The following STAT2 variants were observed in gnomAD, a reference collection of about 807,000 sequenced individuals.
The protein encoded by STAT2 is interferon alpha induced transcriptional activator.
Under a neutral mutation model 122.3 loss-of-function variants are expected in STAT2, and 51 were observed. The ratio of observed to expected loss-of-function variants is 0.42; its 90% CI spans 0.33 to 0.53. The LOEUF is 0.53. Among genes scored for constraint, STAT2 ranks in the 20% least tolerant of loss-of-function variants. The pLI is 0.10. For missense variants in STAT2, 736 were observed against 1,010.3 expected (o/e 0.73, Z 3.68); for synonymous variants, 351 against 394.9 (o/e 0.89, Z 1.32).
chr12:56,352,464 A>C (rs1320284388), intron 8 of STAT2: 4 of 149,656 alleles, frequency 2.7e-5, no homozygotes, highest in Non-Finnish European at 4.4e-5. Flanking sequence ...ACTATCTTTT[A>C]AAAAGCCTCG....
At chr12:56,349,548 G>A (rs761075687) in intron 14 of STAT2, 39 bp from the exon 15 acceptor site, 8 of 1,614,138 alleles carry the variant, frequency 5.0e-6, no homozygotes, top group Admixed American at 3.3e-5. Flanking sequence ...AAGGCTCTTT[G>A]GCAAGCTCCC....
intron 8 of STAT2, chr12:56,352,394 G>GT (rs1878667152): frequency 8.4e-6 from 1 of 119,468 alleles, no homozygotes; most frequent in Non-Finnish European, 1.7e-5. Context: ...GGTGGGGGTG[G>GT]TTTCTGGCAA....
Position 56,354,302 on chromosome 12 carries a change from G to A in STAT2, c.782+164C>T, listed in dbSNP as rs576432518. On this transcript the variant is annotated intron_variant, in intron 8 of 23. Transcript: ENST00000314128. Reference sequence around the variant, plus strand: ...GGAGACTGGGCTCTGGGCTCCCTGCGTGGTGAGGATGAGGAGCAGAATAGA... The same window carrying A: ...GGAGACTGGGCTCTGGGCTCCCTGCATGGTGAGGATGAGGAGCAGAATAGA... The A allele has an allele frequency of 2.1e-3, 2,079 of 1,014,010 alleles. 4 individuals are homozygous for A. Among genetic ancestry groups the A allele is most frequent in the Non-Finnish European group, 2.7e-3 (1,933 of 713,754 alleles). The allele number at this position is 1,014,010 out of a possible 1,614,324, so 62.8% of individuals were successfully genotyped here. A position where few individuals can be genotyped will look rare whatever the true frequency, so the allele number is the denominator to read the frequency against.
chr12:56,348,774 A>G lies in STAT2; in HGVS notation c.1607T>C (p.Leu536Ser), dbSNP rs1877952999. The G allele has an allele frequency of 6.2e-7, 1 of 1,614,078 alleles. No individual in the cohort carries two copies. Among genetic ancestry groups the G allele is most frequent in the South Asian group, 1.1e-5 (1 of 91,086 alleles). Residue 536 changes from leucine (L) to serine (S), a missense_variant, in exon 18 of 24, where the codon TTG becomes TCG. Transcript: ENST00000314128. ...TACCTTAGTGAAGTCAGCCCAGGAC[A>G]ATAATGGATCCTCAGTCCTACAGTT... ...GQNCRTEDPL[L>S]SWADFTKRES...
rs1238799933 is a variant in STAT2, at chr12:56,346,904, C to T, written c.1776G>A (p.Lys592=). 6.2e-7 allele frequency: 1 copy of T among 1,614,192 alleles called. No individual in the cohort carries two copies. The highest frequency in any genetic ancestry group is 8.5e-7 in the Non-Finnish European group (1 of 1,180,028). ...GCAGTAGAAAGGTGCCAGACATGGT[C>T]TTCTTCAGCAGCCGGCGCTCCTGGC... ...SRSQERRLLK[K]TMSGTFLLRF... The change falls in exon 20 of 24, where the codon AAG becomes AAA. Residue 592 remains lysine (K), a synonymous_variant. Transcript: ENST00000314128.
intron 8 of STAT2, 146 bp from the exon 9 acceptor site, chr12:56,351,596 T>C: frequency 1.2e-6 from 1 of 846,690 alleles, no homozygotes; most frequent in Middle Eastern, 3.7e-4. Context: ...TATAAAGGAT[T>C]ATTCAACATG....
At chr12:56,350,726 G>T in intron 11 of STAT2, 103 bp downstream of exon 11, 2 of 1,217,002 alleles carry the variant, frequency 1.6e-6, no homozygotes, top group Non-Finnish European at 1.2e-6. Flanking sequence ...AGGTAGGATT[G>T]GAAGGAGGAA....
intron 8 of STAT2, chr12:56,352,368 T>TTTTTTG (rs1878635911): frequency 7.1e-6 from 1 of 141,052 alleles, no homozygotes; most frequent in Non-Finnish European, 1.6e-5. Flanking sequence ...TTTTTTTTTT[T>TTTTTTG]TTTGGTGGGG....
chr12:56,348,856 G>A, intron 17 of STAT2, 52 bp from the exon 18 acceptor site: 2 of 1,614,136 alleles, frequency 1.2e-6, no homozygotes, highest in Non-Finnish European at 1.7e-6. Context: ...GGGGTCCTGG[G>A]ATAGATAGGA....
rs1877551586 is a variant in STAT2 at position 56,346,877 on chromosome 12, G to A, written c.1803C>T (p.Arg601=). 3 of 1,614,196 alleles carry A rather than the reference G, an allele frequency of 1.9e-6. No individual in the cohort carries two copies. The highest frequency in any genetic ancestry group is 2.2e-5 in the South Asian group (2 of 91,082). The part of the protein sequence containing the change: ...KKTMSGTFLL[R]FSESSEGGIT... ...TGCCCCCTTCTGACGATTCACTGAA[G>A]CGCAGTAGAAAGGTGCCAGACATGG... Residue 601 remains arginine, a synonymous_variant, in exon 20 of 24, where the codon CGC becomes CGT. Coordinates refer to ENST00000314128, the MANE Select transcript of STAT2 (RefSeq NM_005419.4).
chr12:56,354,802 G>T lies in STAT2; in HGVS notation c.609C>A (p.Leu203=). 2 of 1,614,172 alleles carry T rather than the reference G, an allele frequency of 1.2e-6. No homozygotes were observed. The highest frequency in any genetic ancestry group is 2.2e-5 in the East Asian group (1 of 44,890). The change falls in exon 7 of 24, where the codon CTC becomes CTA. Residue 203 remains leucine (L), a synonymous_variant. Coordinates refer to ENST00000314128, the MANE Select transcript of STAT2 (RefSeq NM_005419.4). ...CCTTTCTCCTTTTGTCCAGTTCATT[G>T]AGAGTTTCCTGCAGAATCTTCTGCT... ...TKEQKILQET[L]NELDKRRKEV...
At chr12:56,356,312 G>C (rs775152664) in intron 2 of STAT2, 27 bp from the exon 3 acceptor site, 1 of 1,609,620 alleles carries the variant, frequency 6.2e-7, no homozygotes, top group Non-Finnish European at 8.5e-7. Flanking sequence ...AGAAGTATTA[G>C]TGTCTCTGCA....
intron 19 of STAT2, 73 bp from the exon 20 acceptor site, chr12:56,347,028 C>T: frequency 6.4e-7 from 1 of 1,573,848 alleles, no homozygotes; most frequent in Non-Finnish European, 8.6e-7. Flanking sequence ...CCCTGCTCCC[C>T]TTGTATGGAG....
intron 10 of STAT2, 61 bp from the exon 11 acceptor site, chr12:56,350,949 T>C (rs140979032): frequency 6.3e-7 from 1 of 1,599,310 alleles, no homozygotes; most frequent in African/African-American, 1.3e-5. Flanking sequence ...ATAGACTAGA[T>C]GTTTGAAAAA....
rs369922024 is a variant in STAT2 at position 56,351,386 on chromosome 12, T to G, written c.847A>C (p.Ser283Arg). ...RQLLKELKGL[S>R]CLVSYQDDPL... ...TCATCCTGATAGCTAACCAGGCAAC[T>G]CAGTCCCTTCAGCTCCTTCAGCAGC... Residue 283 changes from serine (S) to arginine (R), a missense_variant, in exon 9 of 24, where the codon AGT becomes CGT. By Grantham distance (110) the Ser-to-Arg change is moderately radical. Transcript: ENST00000314128. 2 of 1,613,990 alleles carry G rather than the reference T, an allele frequency of 1.2e-6. No homozygotes were observed. Among genetic ancestry groups the G allele is most frequent in the African/African-American group, 2.7e-5 (2 of 74,890 alleles).
At chr12:56,346,684 C>G (rs1319851732) in intron 20 of STAT2, 60 bp from the exon 21 acceptor site, 3 of 1,604,416 alleles carry the variant, frequency 1.9e-6, no homozygotes, top group African/African-American at 2.7e-5. Flanking sequence ...TTGGAGCTCT[C>G]TGCTCTGGCT....
chr12:56,354,451 G>A lies in STAT2; in HGVS notation c.782+15C>T. ...AGCGCATGGCGAGGACGAGGGTTGGGGTGGTACCTCTCACCATGTCTCCAG... is the reference window on the plus strand; with the variant it reads ...AGCGCATGGCGAGGACGAGGGTTGGAGTGGTACCTCTCACCATGTCTCCAG... On this transcript the variant is annotated intron_variant, in intron 8 of 23. Coordinates refer to ENST00000314128, the MANE Select transcript of STAT2 (RefSeq NM_005419.4). 2 of 1,614,034 alleles carry A rather than the reference G, an allele frequency of 1.2e-6. No homozygotes were observed. The highest frequency in any genetic ancestry group is 1.7e-6 in the Non-Finnish European group (2 of 1,180,020).
At chr12:56,354,010 AAAAAAAATATAT>A (rs1237882637) in intron 8 of STAT2, among the ~76,000 whole-genome samples, 1 of 19,618 alleles carries the variant, frequency 5.1e-5, no homozygotes, top group African/African-American at 6.9e-5. Context: ...AAAAAAAAAA[AAAAAAAATATAT>A]ATATATATAT....
rs1320081320 is a variant in STAT2 at position 56,346,576 on chromosome 12, T to C, written c.1910A>G (p.Gln637Arg). Residue 637 changes from glutamine (Q) to arginine (R), a missense_variant, in exon 21 of 24, where the codon CAG becomes CGG. Gln to Arg is a conservative substitution (Grantham distance 43). Transcript: ENST00000314128. The stretch of plus-strand genomic sequence containing the variant: ...GATGATTTCAGTCAGCGGGAGTGAC[T>C]GCAGCACCTCCTTCGTGTACGGTTG... ...SVQPYTKEVL[Q>R]SLPLTEIIRH... 2.5e-6 allele frequency: 4 copies of C among 1,614,200 alleles called. No individual in the cohort carries two copies. The highest frequency in any genetic ancestry group is 1.1e-5 in the South Asian group (1 of 91,090).
Sources: gnomAD v4.1 joint callset for allele counts (sites outside exome capture counted in the v4.1 genomes callset) on GRCh38, gnomAD v4.1.1 for gene constraint, MANE v1.5 for transcripts, NCBI Gene and HGNC (gene_info 2026-07-23, HGNC 2026-07-21) for gene names.